EML4: variants seen among roughly 807,000 people sequenced by gnomAD.
EML4 encodes the protein echinoderm microtubule-associated protein-like 4.
In EML4, 72 loss-of-function variants were observed where a neutral mutation model predicts 129.0. The observed-to-expected ratio is 0.56, with a 90% CI of 0.46 to 0.68. The LOEUF is 0.68. EML4 is among the 30% of genes least tolerant of loss of function. The probability of loss-of-function intolerance (pLI) is 0.00; values close to 1 mark genes in which losing one functional copy is unlikely to be tolerated. For synonymous variants in EML4, 532 were observed against 405.0 expected (o/e 1.31, Z -3.77); for missense variants, 1,363 against 1,190.6 (o/e 1.14, Z -2.13).
At chr2:42,258,407 A>G (rs1285594451) in intron 3 of EML4, among the ~76,000 whole-genome samples, 1 of 151,496 alleles carries the variant, frequency 6.6e-6, no homozygotes, top group Admixed American at 6.6e-5. Context: ...ATATATATAT[A>G]TATATTTTTT....
intron 13 of EML4, among the ~76,000 whole-genome samples, chr2:42,299,200 C>T (rs540925958): frequency 6.6e-6 from 1 of 152,306 alleles, no homozygotes; most frequent in Non-Finnish European, 1.5e-5. Flanking sequence ...TCAAGCAAGC[C>T]CTTTCCTGTC....
At chr2:42,281,012 G>T (rs114177525) in intron 7 of EML4, 39 bp downstream of exon 7, 1 of 1,493,490 alleles carries the variant, frequency 6.7e-7, no homozygotes, top group South Asian at 1.3e-5. Context: ...CATTTGCTTT[G>T]TCTCTAGTTA....
At chr2:42,329,122 C>T (rs961739245) in intron 22 of EML4, 106 bp downstream of exon 22, 10 of 1,155,440 alleles carry the variant, frequency 8.7e-6, no homozygotes, top group African/African-American at 6.2e-5. Flanking sequence ...CCATGATACT[C>T]CAGTGCACAG....
At chr2:42,261,632 A>C in intron 4 of EML4, 1 of 168,080 alleles carries the variant, frequency 5.9e-6, no homozygotes, top group Non-Finnish European at 1.3e-5. Context: ...CTATGCATAA[A>C]TTTATAGCCA....
intron 9 of EML4, among the ~76,000 whole-genome samples, chr2:42,285,732 G>A (rs997225062): frequency 1.3e-5 from 2 of 151,886 alleles, no homozygotes; most frequent in African/African-American, 4.8e-5. Flanking sequence ...CTGAGTAGCT[G>A]TGACTACAGG....
intron 1 of EML4, among the ~76,000 whole-genome samples, chr2:42,174,382 C>T (rs994987849): frequency 2.6e-5 from 4 of 152,210 alleles, no homozygotes; most frequent in Middle Eastern, 3.4e-3. Flanking sequence ...CCTCTGCCTC[C>T]TGGGTTCAAG....
intron 1 of EML4, among the ~76,000 whole-genome samples, chr2:42,187,180 A>G (rs572155438): frequency 6.6e-6 from 1 of 151,692 alleles, no homozygotes; most frequent in South Asian, 2.1e-4. Flanking sequence ...AGTAGCTGGG[A>G]CTATAGGCAC....
chr2:42,297,846 G>C (rs1368994820), intron 13 of EML4, among the ~76,000 whole-genome samples: 1 of 152,090 alleles, frequency 6.6e-6, no homozygotes, highest in African/African-American at 2.4e-5. Flanking sequence ...TTTTGTAATA[G>C]GAGACAAACC....
At chr2:42,217,292 TTA>T (rs1186553049) in intron 1 of EML4, among the ~76,000 whole-genome samples, 3 of 152,226 alleles carry the variant, frequency 2.0e-5, no homozygotes, top group Admixed American at 2.0e-4. Flanking sequence ...CTGAACAGGA[TTA>T]TACTTAACCC....
intron 1 of EML4, among the ~76,000 whole-genome samples, chr2:42,170,896 T>G (rs1333831259): frequency 6.6e-6 from 1 of 152,214 alleles, no homozygotes; most frequent in Admixed American, 6.5e-5. Context: ...AAATCTAAAG[T>G]AAAAAAGTAA....
chr2:42,264,990 AT>A lies in EML4; in HGVS notation c.667+265del, dbSNP rs376785222. ...ACGCAGTTGGTTGCCTTCTAAGTGAATTTTTTCCTGGATCTCTTATTTGGCT... is the reference window on the plus strand; with the variant it reads ...ACGCAGTTGGTTGCCTTCTAAGTGAATTTTTCCTGGATCTCTTATTTGGCT... On this transcript the variant is annotated intron_variant, in intron 6 of 22. Transcript: ENST00000318522. The A allele has an allele frequency of 8.3e-5, 127 of 1,532,702 alleles. No individual in the cohort carries two copies. In the African/African-American group the frequency reaches 1.6e-3, roughly 19 times the overall value. 94.9% of individuals were successfully genotyped at this position (1,532,702 alleles called of 1,614,324 possible).
chr2:42,238,601 A>G (rs1674827288), intron 1 of EML4, among the ~76,000 whole-genome samples: 1 of 146,978 alleles, frequency 6.8e-6, no homozygotes, highest in Admixed American at 6.8e-5. Flanking sequence ...TAAAAATGTA[A>G]TTTTGTTTTT....
At position 42,326,048 on chromosome 2, in the gene EML4, A is replaced by G. The variant is rs1572764657; in HGVS notation, c.2243-106A>G. On this transcript the variant is annotated intron_variant, in intron 20 of 22. Transcript: ENST00000318522. ...AATGTGTCTTAATGTTTTTCAGTGT[A>G]TGGATTATAAATACAAGTAAACGTG... The G allele has an allele frequency of 2.8e-6, 4 of 1,445,810 alleles. No homozygotes were observed. In the Admixed American group the frequency reaches 6.9e-5, roughly 25 times the overall value. 89.6% of individuals were successfully genotyped at this position (1,445,810 alleles called of 1,614,324 possible).
intron 13 of EML4, among the ~76,000 whole-genome samples, chr2:42,298,083 A>T (rs1668058966): frequency 6.6e-6 from 1 of 152,210 alleles, no homozygotes; most frequent in Non-Finnish European, 1.5e-5. Flanking sequence ...GTGGAAGTTG[A>T]GAGTATCTAC....
intron 1 of EML4, among the ~76,000 whole-genome samples, chr2:42,238,612 A>AT (rs1674828827): frequency 1.7e-5 from 2 of 120,938 alleles, no homozygotes; most frequent in South Asian, 4.7e-4. Flanking sequence ...TTTTGTTTTT[A>AT]TTTTTTTATT....
chr2:42,280,984 C>T lies in EML4; in HGVS notation c.791+11C>T, dbSNP rs375157829. The T allele has an allele frequency of 8.3e-6, 13 of 1,560,424 alleles. No individual in the cohort carries two copies. Among genetic ancestry groups the T allele is most frequent in the African/African-American group, 4.2e-5 (3 of 72,154 alleles). ...CAAACTGGAGTGGGCGTATCCTTCT[C>T]TACCATGACAGCAAATTCATTTGCT... is the stretch of plus-strand genomic sequence containing the variant. On this transcript the variant is annotated intron_variant, in intron 7 of 22. Coordinates refer to ENST00000318522, the MANE Select transcript of EML4 (RefSeq NM_019063.5).
At chr2:42,219,298 A>T (rs1041728019) in intron 1 of EML4, among the ~76,000 whole-genome samples, 4 of 152,170 alleles carry the variant, frequency 2.6e-5, no homozygotes, top group Admixed American at 2.0e-4. Context: ...TATTCCAGGG[A>T]TGCCAAACCT....
At chr2:42,320,190 A>G (rs1206792101) in intron 19 of EML4, among the ~76,000 whole-genome samples, 3 of 151,910 alleles carry the variant, frequency 2.0e-5, no homozygotes, top group Non-Finnish European at 4.4e-5. Flanking sequence ...CTTGCTCTCA[A>G]CTTCATAAGC....
At chr2:42,178,598 G>C (rs1300931853) in intron 1 of EML4, among the ~76,000 whole-genome samples, 1 of 152,112 alleles carries the variant, frequency 6.6e-6, no homozygotes, top group African/African-American at 2.4e-5. Context: ...AGTATCCCCC[G>C]TGTGGTGCCT....
Sources: allele counts gnomAD v4.1 joint callset (sites outside exome capture counted in the v4.1 genomes callset), GRCh38; gene constraint gnomAD v4.1.1; transcripts MANE v1.5; gene names NCBI Gene and HGNC (gene_info 2026-07-23, HGNC 2026-07-21).